Variants in SATB1 observed in about 807,000 individuals in gnomAD.
The protein encoded by SATB1 is SATB homeobox 1, also known as DNA-binding protein SATB1.
A neutral mutation model predicts 86.9 loss-of-function variants in SATB1; 11 were observed. The ratio of observed to expected loss-of-function variants is 0.13; its 90% CI spans 0.08 to 0.21. The LOEUF (loss-of-function observed/expected upper bound fraction) is 0.21, where lower values mean the gene tolerates loss of function less well. Ranked by LOEUF, SATB1 falls within the 10% of genes least tolerant of loss-of-function variation. SATB1 has a pLI of 1.00. For missense variants in SATB1, 551 were observed against 937.6 expected, an observed-to-expected ratio of 0.59 and a Z score of 5.39; for synonymous variants, 357 against 357.2, an observed-to-expected ratio of 1.00 and a Z score of 0.01.
chr3:18,353,903 C>T (rs918871689), intron 9 of SATB1, among the ~76,000 whole-genome samples: 2 of 152,156 alleles, frequency 1.3e-5, no homozygotes, highest in Non-Finnish European at 2.9e-5. Flanking sequence ...ACCATGCACT[C>T]ATTTGATGCC....
chr3:18,351,876 C>G, intron 10 of SATB1, 116 bp downstream of exon 10: 1 of 920,692 alleles, frequency 1.1e-6, no homozygotes, highest in East Asian at 2.4e-5. Flanking sequence ...GTATTGTTAT[C>G]TCTTGCTAAA....
rs1410981314 is a variant in SATB1, at chr3:18,349,323, C to T, written c.2139G>A (p.Glu713=). The part of the protein sequence containing the change: ...HGKLKDNSGL[E]VDVAEYKEEE... ...CTTCTTTATATTCTGCCACATCGAC[C>T]TCTAAACCGGAATTGTCCTTCAGTT... The change falls in exon 11 of 11, where the codon GAG becomes GAA. Residue 713 remains glutamate (E), a synonymous_variant. Coordinates refer to ENST00000338745, the MANE Select transcript of SATB1 (RefSeq NM_002971.6). The surrounding 1 kb of genome is among the most constrained non-coding windows in gnomAD (Gnocchi z 5.5). 6.2e-7 allele frequency: 1 copy of T among 1,614,176 alleles called. No homozygotes were observed. Among genetic ancestry groups the T allele is most frequent in the African/African-American group, 1.3e-5 (1 of 75,030 alleles).
At chr3:18,408,822 T>C (rs1197239681) in intron 5 of SATB1, 1 of 151,986 alleles carries the variant, frequency 6.6e-6, no homozygotes, top group Non-Finnish European at 1.5e-5. Context: ...GTCTAAAATA[T>C]ACTCTAAAAC....
At chr3:18,415,801 TTG>T (rs1553624891) in intron 4 of SATB1, among the ~76,000 whole-genome samples, 20 of 151,830 alleles carry the variant, frequency 1.3e-4, no homozygotes, top group Non-Finnish European at 1.5e-5. Context: ...TACACATTTT[TTG>T]TGTGTGTGGG....
At chr3:18,356,264 G>T (rs944978805) in intron 9 of SATB1, among the ~76,000 whole-genome samples, 3 of 151,782 alleles carry the variant, frequency 2.0e-5, no homozygotes, top group African/African-American at 7.2e-5. Context: ...AGGAAATACT[G>T]TTATGTACTT....
intron 1 of SATB1, chr3:18,445,015 A>G: frequency 5.5e-6 from 1 of 181,096 alleles, no homozygotes; most frequent in Non-Finnish European, 1.0e-5. Flanking sequence ...CTGGAGGCGC[A>G]CCGGAGCGGC....
At chr3:18,432,670 G>GA (rs200211603) in intron 2 of SATB1, among the ~76,000 whole-genome samples, 1 of 152,026 alleles carries the variant, frequency 6.6e-6, no homozygotes, top group South Asian at 2.1e-4. Flanking sequence ...TGGGCTGATA[G>GA]AAAAAGAGTT....
At chr3:18,389,377 A>G (rs1034443917) in intron 7 of SATB1, among the ~76,000 whole-genome samples, 1 of 151,998 alleles carries the variant, frequency 6.6e-6, no homozygotes, top group African/African-American at 2.4e-5. Flanking sequence ...TTAAAAAAAA[A>G]AGTCACTTTA....
rs1694162481 is a variant in SATB1 at position 18,348,269 on chromosome 3, AAG to A, written c.*899_*900del. 1 of 152,646 alleles carries A rather than the reference AAG, an allele frequency of 6.6e-6. No individual in the cohort carries two copies. The highest frequency in any genetic ancestry group is 2.4e-5 in the African/African-American group (1 of 41,458). 9.5% of individuals were successfully genotyped at this position (152,646 alleles called of 1,614,324 possible). A position where few individuals can be genotyped will look rare whatever the true frequency, so the allele number is the denominator to read the frequency against. ...GATAGTAAAAATTGCATACAACAAT[AAG>A]AGTGAAGCTTATAGTATGAATTGCT... On this transcript the variant is annotated 3_prime_UTR_variant, in exon 11 of 11. Coordinates refer to ENST00000338745, the MANE Select transcript of SATB1 (RefSeq NM_002971.6).
At chr3:18,416,221 C>G (rs1264202559) in intron 3 of SATB1, 88 bp from the exon 4 acceptor site, 4 of 999,156 alleles carry the variant, frequency 4.0e-6, no homozygotes, top group Non-Finnish European at 4.3e-6. Flanking sequence ...TTTCTACTAC[C>G]CCTACCACAA....
rs1031866465 is a variant in SATB1 at position 18,394,498 on chromosome 3, C to T, written c.1170G>A (p.Gln390=). 8.7e-6 allele frequency: 14 copies of T among 1,614,074 alleles called. No individual in the cohort carries two copies. Among genetic ancestry groups the T allele is most frequent in the Non-Finnish European group, 1.1e-5 (13 of 1,180,052 alleles). The change falls in exon 7 of 11, where the codon CAG becomes CAA. Residue 390 remains glutamine, a synonymous_variant. Transcript: ENST00000338745. The surrounding 1 kb of genome is among the most constrained non-coding windows in gnomAD (Gnocchi z 5.9). ...TAAAAGCCACACGTGCAAATACCGCCTGGGAGATTCCTGCTCGTTTCAGTT... is the reference window on the plus strand; with the variant it reads ...TAAAAGCCACACGTGCAAATACCGCTTGGGAGATTCCTGCTCGTTTCAGTT... ...RDELKRAGIS[Q]AVFARVAFNR...
rs138516970 is a variant in SATB1 at position 18,422,832 on chromosome 3, T to G, written c.-25+795A>C. On this transcript the variant is annotated intron_variant, in intron 1 of 10. Coordinates refer to ENST00000338745, the MANE Select transcript of SATB1 (RefSeq NM_002971.6). ...GCATCAAAGTTAATGCTATAAAACATATTAAGTAATCATGAGGCTTAACAA... is the reference window on the plus strand; with the variant it reads ...GCATCAAAGTTAATGCTATAAAACAGATTAAGTAATCATGAGGCTTAACAA... Among the ~76,000 whole-genome samples, 36 of 152,290 alleles carry G rather than the reference T, an allele frequency of 2.4e-4. No individual in the cohort carries two copies. The East Asian group carries it at 6.9e-3, about 29-fold the overall frequency.
Position 18,352,314 on chromosome 3 carries a change from A to G in SATB1, c.1576-119T>C. On this transcript the variant is annotated intron_variant, in intron 9 of 10. Transcript: ENST00000338745. This position sits in a 1 kb window ranked among gnomAD's most constrained non-coding sequence, Gnocchi z 4.1. ...CTTTTTCATAAGCTCAGAACACACC[A>G]TTCTGCTTTAAAAATTGTTTTTAAC... 1.3e-6 allele frequency: 1 copy of G among 784,290 alleles called. No homozygotes were observed. Among genetic ancestry groups the G allele is most frequent in the Admixed American group, 2.7e-5 (1 of 36,584 alleles). The allele number at this position is 784,290 out of a possible 1,614,324, so 48.6% of individuals were successfully genotyped here. A position where few individuals can be genotyped will look rare whatever the true frequency, so the allele number is the denominator to read the frequency against.
upstream of SATB1, among the ~76,000 whole-genome samples, chr3:18,428,588 T>C (rs149920387): frequency 2.2e-3 from 340 of 152,300 alleles, 3 homozygotes; most frequent in African/African-American, 7.8e-3. Context: ...TAATGATGCA[T>C]GCAAGTATTG....
intron 1 of SATB1, 164 bp from the exon 2 acceptor site, chr3:18,421,155 A>G (rs745815774): frequency 2.4e-5 from 14 of 574,522 alleles, no homozygotes; most frequent in Non-Finnish European, 2.5e-5. Flanking sequence ...TTTCTAGATG[A>G]TAGCATTACA....
intron 8 of SATB1, among the ~76,000 whole-genome samples, chr3:18,383,689 A>G (rs1553619234): frequency 1.5e-4 from 23 of 152,068 alleles, no homozygotes; most frequent in Non-Finnish European, 4.4e-5. Context: ...ATTTTAACTC[A>G]TTTTTAATAT....
rs1237573177 is a variant in SATB1, at chr3:18,348,255, T to C, written c.*915A>G. ...AAGCTTATTTGCATGATAGTAAAAA[T>C]TGCATACAACAATAAGAGTGAAGCT... On this transcript the variant is annotated 3_prime_UTR_variant, in exon 11 of 11. Coordinates refer to ENST00000338745, the MANE Select transcript of SATB1 (RefSeq NM_002971.6). 6.6e-6 allele frequency: 1 copy of C among 152,620 alleles called. No homozygotes were observed. Among genetic ancestry groups the C allele is most frequent in the Non-Finnish European group, 1.5e-5 (1 of 68,012 alleles). 9.5% of individuals were successfully genotyped at this position (152,620 alleles called of 1,614,324 possible). A position where few individuals can be genotyped will look rare whatever the true frequency, so the allele number is the denominator to read the frequency against.
At chr3:18,442,722 AC>A (rs1213466683), upstream of SATB1, among the ~76,000 whole-genome samples, 1 of 152,188 alleles carries the variant, frequency 6.6e-6, no homozygotes, top group Non-Finnish European at 1.5e-5. Context: ...ACTTATTATA[AC>A]CTTTTCTAAC....
intron 2 of SATB1, among the ~76,000 whole-genome samples, chr3:18,431,305 C>T (rs754572428): frequency 3.3e-5 from 5 of 152,200 alleles, no homozygotes; most frequent in African/African-American, 9.6e-5. Context: ...CTTGTCAGTC[C>T]GAAGCCTTCT....
Sources: gnomAD v4.1 joint callset for allele counts (sites outside exome capture counted in the v4.1 genomes callset) on GRCh38, gnomAD v4.1.1 for gene constraint, Gnocchi (gnomAD v3.1) non-coding constraint, MANE v1.5 for transcripts, NCBI Gene and HGNC (gene_info 2026-07-23, HGNC 2026-07-21) for gene names.